NRXN3: variants seen among roughly 807,000 people sequenced by gnomAD.
The protein encoded by NRXN3 is neurexin 3.
A neutral mutation model predicts 137.6 loss-of-function variants in NRXN3; 32 were observed. The observed-to-expected ratio is 0.23, with a 90% confidence interval of 0.18 to 0.31. The LOEUF is 0.31. Among genes scored for constraint, NRXN3 ranks in the 10% least tolerant of loss-of-function variants. The pLI, the probability that NRXN3 is intolerant of heterozygous loss-of-function variation, is 1.00. For synonymous variants in NRXN3, 798 were observed against 784.5 expected (o/e 1.02, Z -0.29); for missense variants, 1,574 against 2,062.5 (o/e 0.76, Z 4.59).
chr14:78,948,995 T>G (rs1597778967), intron 10 of NRXN3, among the ~76,000 whole-genome samples: 1 of 152,318 alleles, frequency 6.6e-6, no homozygotes, highest in East Asian at 1.9e-4. Flanking sequence ...AGCTGGGGTA[T>G]AGTAGATCAG....
intron 8 of NRXN3, among the ~76,000 whole-genome samples, chr14:78,784,698 G>A (rs1347646468): frequency 6.6e-6 from 1 of 152,202 alleles, no homozygotes; most frequent in African/African-American, 2.4e-5. Context: ...AAGAATGAAT[G>A]TAGGGGGGAT....
chr14:78,399,942 A>G (rs1002871345), intron 4 of NRXN3, among the ~76,000 whole-genome samples: 7 of 152,222 alleles, frequency 4.6e-5, no homozygotes, highest in Middle Eastern at 3.2e-3. Context: ...TTAGCTATGT[A>G]ACTAGGGGAA....
At chr14:79,418,990 C>T (rs137924724) in intron 15 of NRXN3, among the ~76,000 whole-genome samples, 17 of 152,314 alleles carry the variant, frequency 1.1e-4, no homozygotes, top group African/African-American at 4.1e-4. Context: ...AGAAGATTGT[C>T]TGCAGTAGGG....
chr14:79,792,376 C>T (rs1037038499), intron 19 of NRXN3, among the ~76,000 whole-genome samples: 1 of 152,188 alleles, frequency 6.6e-6, no homozygotes, highest in Non-Finnish European at 1.5e-5. Flanking sequence ...CTTCCAATCA[C>T]CTCAAATGAG....
intron 4 of NRXN3, among the ~76,000 whole-genome samples, chr14:78,551,599 C>T (rs2096690270): frequency 1.3e-5 from 2 of 151,502 alleles, no homozygotes; most frequent in Admixed American, 1.3e-4. Context: ...CATTTCCCTT[C>T]CTTTATTTCT....
chr14:78,500,878 C>T (rs374932161), intron 4 of NRXN3, among the ~76,000 whole-genome samples: 24 of 152,152 alleles, frequency 1.6e-4, no homozygotes, highest in South Asian at 2.1e-4. Flanking sequence ...AAGATACAGT[C>T]CCAGCCTTCA....
At chr14:78,611,109 C>T (rs1333178570) in intron 4 of NRXN3, among the ~76,000 whole-genome samples, 6 of 152,118 alleles carry the variant, frequency 3.9e-5, no homozygotes, top group Admixed American at 6.5e-5. Context: ...AAGAAACAAC[C>T]GGGCCTCCAT....
chr14:79,481,208 A>G (rs973871579), intron 16 of NRXN3, among the ~76,000 whole-genome samples: 6 of 152,126 alleles, frequency 3.9e-5, no homozygotes, highest in African/African-American at 1.4e-4. Context: ...AAAATGTGCT[A>G]TCATATATAT....
At chr14:79,630,481 G>A (rs1408108471) in intron 16 of NRXN3, among the ~76,000 whole-genome samples, 1 of 152,198 alleles carries the variant, frequency 6.6e-6, no homozygotes, top group Non-Finnish European at 1.5e-5. Flanking sequence ...TTTGGTCCTG[G>A]TTCAAGTCAA....
intron 6 of NRXN3, among the ~76,000 whole-genome samples, chr14:78,707,560 G>T (rs2098365338): frequency 6.6e-6 from 1 of 152,176 alleles, no homozygotes; most frequent in African/African-American, 2.4e-5. Context: ...AGTCATAACA[G>T]ATTTTTTTCC....
At chr14:79,140,137 C>T (rs1166018624) in intron 15 of NRXN3, among the ~76,000 whole-genome samples, 1 of 152,094 alleles carries the variant, frequency 6.6e-6, no homozygotes, top group Non-Finnish European at 1.5e-5. Flanking sequence ...TATCTCTTCA[C>T]ACTGCTTGGA....
At chr14:79,860,354 T>C (rs2099411687) in intron 20 of NRXN3, among the ~76,000 whole-genome samples, 1 of 152,230 alleles carries the variant, frequency 6.6e-6, no homozygotes, top group Admixed American at 6.5e-5. Flanking sequence ...ATTAGACTAA[T>C]GCAAGGCAAG....
chr14:78,674,903 C>G (rs1465135357), intron 6 of NRXN3, among the ~76,000 whole-genome samples: 1 of 152,188 alleles, frequency 6.6e-6, no homozygotes, highest in Non-Finnish European at 1.5e-5. Flanking sequence ...AAGCAAGGCT[C>G]TCTGTACTTA....
intron 8 of NRXN3, among the ~76,000 whole-genome samples, chr14:78,732,554 T>A (rs1212177019): frequency 6.6e-6 from 1 of 152,150 alleles, no homozygotes; most frequent in Non-Finnish European, 1.5e-5. Flanking sequence ...CACTGCCCAT[T>A]TTCTGTTTGG....
chr14:78,497,433 C>A (rs2095803236), intron 4 of NRXN3, among the ~76,000 whole-genome samples: 1 of 152,068 alleles, frequency 6.6e-6, no homozygotes, highest in South Asian at 2.1e-4. Context: ...AAGCCACAAG[C>A]CCCAGCCTTG....
intron 10 of NRXN3, among the ~76,000 whole-genome samples, chr14:78,916,548 T>C (rs1173813861): frequency 6.6e-6 from 1 of 152,156 alleles, no homozygotes; most frequent in Admixed American, 6.5e-5. Context: ...GTCCTTCTGT[T>C]AGAGAAGACC....
chr14:79,067,342 T>C (rs1360004043), intron 15 of NRXN3, among the ~76,000 whole-genome samples: 1 of 152,198 alleles, frequency 6.6e-6, no homozygotes, highest in East Asian at 1.9e-4. Context: ...ATAAGCTTTT[T>C]GATGTGCTGC....
chr14:79,448,538 G>A (rs894602957), intron 15 of NRXN3, among the ~76,000 whole-genome samples: 2 of 152,162 alleles, frequency 1.3e-5, no homozygotes, highest in African/African-American at 4.8e-5. Context: ...TGAATGTATT[G>A]ACTAATTTAC....
At chr14:78,481,944 T>A (rs1053237074) in intron 4 of NRXN3, among the ~76,000 whole-genome samples, 7 of 152,318 alleles carry the variant, frequency 4.6e-5, no homozygotes, top group African/African-American at 9.6e-5. Flanking sequence ...CCCAAGAGCC[T>A]GAATCACTTG....
Sources: gnomAD v4.1 joint callset for allele counts (sites outside exome capture counted in the v4.1 genomes callset) on GRCh38, gnomAD v4.1.1 for gene constraint, MANE v1.5 for transcripts, NCBI Gene and HGNC (gene_info 2026-07-23, HGNC 2026-07-21) for gene names.